EXOC6: variants seen among roughly 807,000 people sequenced by gnomAD.
EXOC6 encodes the protein exocyst complex component 6.
In EXOC6, 60 loss-of-function variants were observed where a neutral mutation model predicts 112.5. The ratio of observed to expected loss-of-function variants is 0.53; its 90% confidence interval spans 0.43 to 0.66. The LOEUF (loss-of-function observed/expected upper bound fraction) is 0.66. EXOC6 is among the 30% of genes least tolerant of loss of function. The probability of loss-of-function intolerance (pLI) is 0.00; values close to 1 mark genes in which losing one functional copy is unlikely to be tolerated. For synonymous variants in EXOC6, 295 were observed against 308.0 expected (o/e 0.96, Z 0.44); for missense variants, 855 against 957.1 (o/e 0.89, Z 1.41).
chr10:92,849,399 C>G (rs564646714), intron 1 of EXOC6, among the ~76,000 whole-genome samples: 2 of 152,278 alleles, frequency 1.3e-5, no homozygotes, highest in Admixed American at 1.3e-4. Flanking sequence ...AAGAATAGTA[C>G]TAGGTAATGC....
intron 20 of EXOC6, among the ~76,000 whole-genome samples, chr10:93,021,303 G>GAC (rs1407431153): frequency 7.9e-5 from 12 of 152,160 alleles, no homozygotes; most frequent in African/African-American, 1.4e-4. Context: ...AACATAGCAA[G>GAC]ACCCTACCTC....
intron 19 of EXOC6, chr10:92,999,425 G>T: frequency 3.5e-6 from 1 of 285,492 alleles, no homozygotes; most frequent in Non-Finnish European, 6.8e-6. Context: ...CTTTGAAACT[G>T]GTTTCTTAAG....
chr10:92,890,754 G>A (rs1043757854), intron 1 of EXOC6, among the ~76,000 whole-genome samples: 7 of 152,114 alleles, frequency 4.6e-5, no homozygotes, highest in African/African-American at 1.7e-4. Context: ...CCATGAGGAG[G>A]CCAGTGTTGC....
At chr10:92,868,093 TTA>T (rs1411049033) in intron 1 of EXOC6, among the ~76,000 whole-genome samples, 1 of 152,176 alleles carries the variant, frequency 6.6e-6, no homozygotes, top group Non-Finnish European at 1.5e-5. Flanking sequence ...GAAATAAAAT[TTA>T]TCAGTCTTTC....
At chr10:93,011,769 T>C (rs1200350713) in intron 19 of EXOC6, among the ~76,000 whole-genome samples, 1 of 152,056 alleles carries the variant, frequency 6.6e-6, no homozygotes, top group African/African-American at 2.4e-5. Flanking sequence ...GTAATGATAC[T>C]AGAGAAAGGC....
At chr10:92,932,117 G>A (rs1852071900) in intron 9 of EXOC6, among the ~76,000 whole-genome samples, 1 of 152,078 alleles carries the variant, frequency 6.6e-6, no homozygotes, top group South Asian at 2.1e-4. Flanking sequence ...GAACTACTCG[G>A]CACTAAAAGG....
chr10:92,870,359 T>TG (rs1394242004), intron 1 of EXOC6, among the ~76,000 whole-genome samples: 2 of 152,134 alleles, frequency 1.3e-5, no homozygotes, highest in African/African-American at 4.8e-5. Flanking sequence ...TGTCAGATGT[T>TG]TCTTCTGCAT....
At chr10:92,897,664 AT>A (rs1696110319) in intron 4 of EXOC6, among the ~76,000 whole-genome samples, 1 of 152,196 alleles carries the variant, frequency 6.6e-6, no homozygotes, top group Non-Finnish European at 1.5e-5. Context: ...CCTGAGACAA[AT>A]CCATATCTGA....
chr10:92,910,942 A>AAGGTATAGATGT (rs1850716611), intron 6 of EXOC6, among the ~76,000 whole-genome samples: 3 of 144,548 alleles, frequency 2.1e-5, no homozygotes, highest in South Asian at 2.4e-4. Flanking sequence ...AATAATAATA[A>AAGGTATAGATGT]TTTGGGGTAT....
chr10:93,040,635 T>C (rs1845721826), intron 20 of EXOC6, among the ~76,000 whole-genome samples: 1 of 152,228 alleles, frequency 6.6e-6, no homozygotes. Flanking sequence ...GGTTTATAAT[T>C]GATTATTCTT....
chr10:92,936,849 G>T (rs115106074), intron 12 of EXOC6, among the ~76,000 whole-genome samples: 1 of 151,828 alleles, frequency 6.6e-6, no homozygotes, highest in Non-Finnish European at 1.5e-5. Context: ...ATATCACAGC[G>T]GGGGGTTTAT....
At chr10:92,982,649 A>T (rs1375202509) in intron 18 of EXOC6, among the ~76,000 whole-genome samples, 1 of 152,236 alleles carries the variant, frequency 6.6e-6, no homozygotes, top group African/African-American at 2.4e-5. Context: ...TAATAAGATT[A>T]AAACTATTAT....
At position 92,954,719 on chromosome 10, in the gene EXOC6, A is replaced by G; in HGVS notation, c.1616A>G (p.Lys539Arg). The G allele has an allele frequency of 1.3e-6, 2 of 1,580,174 alleles. No homozygotes were observed. The highest frequency in any genetic ancestry group is 1.1e-5 in the South Asian group (1 of 89,586). The change falls in exon 16 of 22, where the codon AAA (lysine) becomes AGA (arginine). Residue 539 changes from lysine to arginine, a missense_variant. By Grantham distance (26) the Lys-to-Arg change is conservative. Coordinates refer to ENST00000260762, the MANE Select transcript of EXOC6 (RefSeq NM_019053.6). ...LSSCLLNLIRKPHIGLTELVQ... is the reference protein window; with the variant it reads ...LSSCLLNLIRRPHIGLTELVQ... ...AGCTGTTTACTGAACCTTATTAGAA[A>G]ACCTCATATAGGTTTGACAGAGGTA...
chr10:92,889,569 T>G (rs1478384369), intron 1 of EXOC6, among the ~76,000 whole-genome samples: 1 of 152,308 alleles, frequency 6.6e-6, no homozygotes, highest in East Asian at 1.9e-4. Context: ...TTTTCTCTAT[T>G]GTATTACCTT....
intron 13 of EXOC6, 136 bp from the exon 14 acceptor site, chr10:92,948,138 G>A (rs1333368643): frequency 1.1e-5 from 6 of 528,326 alleles, no homozygotes; most frequent in Non-Finnish European, 2.0e-5. Flanking sequence ...TGCTTAGGCA[G>A]TATCTTCCTG....
At chr10:92,868,876 G>T (rs1343219207) in intron 1 of EXOC6, among the ~76,000 whole-genome samples, 39 of 142,646 alleles carry the variant, frequency 2.7e-4, no homozygotes, top group African/African-American at 1.0e-3. Context: ...GCAGTGGCAT[G>T]ATCATGACTC....
chr10:92,999,407 C>T, intron 19 of EXOC6: 1 of 306,310 alleles, frequency 3.3e-6, no homozygotes, highest in South Asian at 2.7e-5. Context: ...ATTCCCATTC[C>T]ACAAATACTT....
chr10:92,922,390 A>G (rs978875053), intron 8 of EXOC6, among the ~76,000 whole-genome samples: 1 of 152,212 alleles, frequency 6.6e-6, no homozygotes, highest in African/African-American at 2.4e-5. Context: ...TTCTAAGGCT[A>G]TGTTGGATAT....
chr10:92,942,704 C>G (rs991209865), intron 13 of EXOC6, among the ~76,000 whole-genome samples: 5 of 151,882 alleles, frequency 3.3e-5, no homozygotes, highest in Non-Finnish European at 7.4e-5. Context: ...ATCTTATAGA[C>G]TTGATGTTAT....
Sources: gnomAD v4.1 joint callset for allele counts (sites outside exome capture counted in the v4.1 genomes callset) on GRCh38, gnomAD v4.1.1 for gene constraint, MANE v1.5 for transcripts, NCBI Gene and HGNC (gene_info 2026-07-23, HGNC 2026-07-21) for gene names.